SCRG1: variants seen among roughly 807,000 people sequenced by gnomAD.
The protein encoded by SCRG1 is stimulator of chondrogenesis 1, also known as scrapie-responsive protein 1.
Under a neutral mutation model 7.7 loss-of-function variants are expected in SCRG1, and 3 were observed. That is an observed-to-expected ratio of 0.39 (90% CI 0.18 to 1.01). The LOEUF (loss-of-function observed/expected upper bound fraction) is 1.01. SCRG1 is among the 50% of genes least tolerant of loss of function. The pLI, the probability that SCRG1 is intolerant of heterozygous loss-of-function variation, is 0.36. For missense variants in SCRG1, 110 were observed against 117.2 expected (o/e 0.94, Z 0.28); for synonymous variants, 46 against 41.2 (o/e 1.12, Z -0.44).
At chr4:173,498,738 ATGTG>A in the SCRG1 span, among the ~76,000 whole-genome samples, 2 of 151,850 alleles carry the variant, frequency 1.3e-5, no homozygotes, top group African/African-American at 4.8e-5. Context: ...ATGTATGTAT[ATGTG>A]TGTGTGTGTG....
chr4:173,429,479 T>C, the SCRG1 span, among the ~76,000 whole-genome samples: 1 of 152,050 alleles, frequency 6.6e-6, no homozygotes, highest in South Asian at 2.1e-4. Context: ...ATTTTTTATG[T>C]AGAGACAGGG....
At chr4:173,421,619 T>C in the SCRG1 span, among the ~76,000 whole-genome samples, 1 of 152,200 alleles carries the variant, frequency 6.6e-6, no homozygotes, top group Non-Finnish European at 1.5e-5. Context: ...CCTTTGATTA[T>C]ATATGATAAA....
the SCRG1 span, among the ~76,000 whole-genome samples, chr4:173,518,622 C>T: frequency 6.6e-6 from 1 of 152,174 alleles, no homozygotes; most frequent in Admixed American, 6.5e-5. Context: ...CCCCTTCTCC[C>T]CATTCCAGAA....
chr4:173,515,847 G>A, the SCRG1 span, among the ~76,000 whole-genome samples: 31 of 152,192 alleles, frequency 2.0e-4, no homozygotes, highest in Admixed American at 3.3e-4. The surrounding 1 kb of genome is among the most constrained non-coding windows in gnomAD (Gnocchi z 4.6). Context: ...GGGTGGGGAC[G>A]TATCTTTTTC....
chr4:173,419,544 T>A, the SCRG1 span: 38 of 731,018 alleles, frequency 5.2e-5, no homozygotes, highest in South Asian at 5.3e-4. Context: ...TGGCCCATGA[T>A]GTGCTTCCGG....
At chr4:173,443,943 T>TTGTGTGTGTGTGTG in the SCRG1 span, among the ~76,000 whole-genome samples, 33 of 138,792 alleles carry the variant, frequency 2.4e-4, no homozygotes, top group Admixed American at 2.0e-3. Flanking sequence ...AGAGCTTGTT[T>TTGTGTGTGTGTGTG]TGTGTGTGTG....
chr4:173,463,335 G>T, the SCRG1 span, among the ~76,000 whole-genome samples: 1 of 152,062 alleles, frequency 6.6e-6, no homozygotes, highest in East Asian at 1.9e-4. Flanking sequence ...GTGCAGTGCC[G>T]TGATCTCGGC....
the SCRG1 span, among the ~76,000 whole-genome samples, chr4:173,414,214 T>G: frequency 1.3e-5 from 2 of 152,196 alleles, no homozygotes; most frequent in East Asian, 3.8e-4. Flanking sequence ...CCTGTGAGGC[T>G]CCACTGGAGC....
chr4:173,449,409 C>A, the SCRG1 span, among the ~76,000 whole-genome samples: 1 of 147,910 alleles, frequency 6.8e-6, no homozygotes, highest in African/African-American at 2.5e-5. Context: ...ATGATAAGGG[C>A]TTTCTGCAGA....
the SCRG1 span, among the ~76,000 whole-genome samples, chr4:173,512,428 G>T: frequency 4.6e-5 from 7 of 152,240 alleles, no homozygotes; most frequent in Non-Finnish European, 8.8e-5. Context: ...TGAAAGAAGA[G>T]AAATTTTTGG....
the SCRG1 span, among the ~76,000 whole-genome samples, chr4:173,424,801 C>T: frequency 6.6e-6 from 1 of 151,600 alleles, no homozygotes; most frequent in Non-Finnish European, 1.5e-5. Flanking sequence ...CCCAGCTACT[C>T]GGGAGGCTGA....
chr4:173,515,651 G>A, the SCRG1 span, among the ~76,000 whole-genome samples: 16 of 152,214 alleles, frequency 1.1e-4, no homozygotes, highest in East Asian at 1.9e-4. This position sits in a 1 kb window ranked among gnomAD's most constrained non-coding sequence, Gnocchi z 4.6. Context: ...CAGGCTGTGC[G>A]GGGAGGTGGT....
At chr4:173,407,486 G>A (rs765622196), upstream of SCRG1, among the ~76,000 whole-genome samples, 2 of 152,116 alleles carry the variant, frequency 1.3e-5, no homozygotes, top group Non-Finnish European at 2.9e-5. Flanking sequence ...AGTGAGCCGA[G>A]ATAGCGCCAC....
the SCRG1 span, among the ~76,000 whole-genome samples, chr4:173,512,417 G>A: frequency 7.2e-5 from 11 of 152,230 alleles, no homozygotes; most frequent in African/African-American, 2.7e-4. Context: ...GAAGCCCAAG[G>A]TGAAAGAAGA....
chr4:173,399,684 GATGACTAA>G (rs1287088460), upstream of SCRG1: 1 of 54,480 alleles, frequency 1.8e-5, no homozygotes, highest in Admixed American at 2.7e-4. Flanking sequence ...AAGCTAAAAT[GATGACTAA>G]AAAGAAATGT....
chr4:173,449,164 T>A, the SCRG1 span, among the ~76,000 whole-genome samples: 4 of 152,282 alleles, frequency 2.6e-5, no homozygotes, highest in Non-Finnish European at 4.4e-5. Flanking sequence ...ATAACACATC[T>A]CAGGGAAGCA....
upstream of SCRG1, among the ~76,000 whole-genome samples, chr4:173,403,690 G>A (rs147432342): frequency 6.6e-4 from 101 of 152,226 alleles, no homozygotes; most frequent in African/African-American, 2.2e-3. Context: ...ATAAACTTTG[G>A]CAAGAAAAGA....
chr4:173,510,374 G>A, the SCRG1 span, among the ~76,000 whole-genome samples: 1 of 151,900 alleles, frequency 6.6e-6, no homozygotes, highest in East Asian at 1.9e-4. The surrounding 1 kb of genome is among the most constrained non-coding windows in gnomAD (Gnocchi z 5.7). Flanking sequence ...AACTCTGTCC[G>A]GCCAGTACTC....
upstream of SCRG1, among the ~76,000 whole-genome samples, chr4:173,406,548 G>A (rs984698499): frequency 3.9e-5 from 6 of 152,168 alleles, no homozygotes; most frequent in Non-Finnish European, 5.9e-5. Flanking sequence ...CAAGCACATA[G>A]TGTCTTGTAC....
Sources: gnomAD v4.1 joint callset for allele counts (sites outside exome capture counted in the v4.1 genomes callset) on GRCh38, gnomAD v4.1.1 for gene constraint, Gnocchi (gnomAD v3.1) non-coding constraint, MANE v1.5 for transcripts, NCBI Gene and HGNC (gene_info 2026-07-23, HGNC 2026-07-21) for gene names.